The following FAM163A variants were observed in gnomAD, a reference collection of about 807,000 sequenced individuals.
The protein encoded by FAM163A is protein FAM163A.
Under a neutral mutation model 12.0 loss-of-function variants are expected in FAM163A, and 7 were observed. The ratio of observed to expected loss-of-function variants is 0.58; its 90% CI spans 0.33 to 1.10. FAM163A has a LOEUF of 1.10. Among genes scored for constraint, FAM163A ranks in the 50% least tolerant of loss-of-function variants. The pLI, the probability that FAM163A is intolerant of heterozygous loss-of-function variation, is 0.03. For synonymous variants in FAM163A, 101 were observed against 91.0 expected (o/e 1.11, Z -0.62); for missense variants, 202 against 218.6 (o/e 0.92, Z 0.48).
chr1:179,798,548 C>T (rs1692713642), intron 1 of FAM163A, among the ~76,000 whole-genome samples: 1 of 152,260 alleles, frequency 6.6e-6, no homozygotes, highest in African/African-American at 2.4e-5. Context: ...CCTCGGGGCA[C>T]TTTTGCCCAT....
chr1:179,803,433 G>A (rs1693459244), intron 1 of FAM163A, among the ~76,000 whole-genome samples: 1 of 152,166 alleles, frequency 6.6e-6, no homozygotes, highest in South Asian at 2.1e-4. Flanking sequence ...TGAGAACAGG[G>A]AACCTTCAGA....
At chr1:179,788,882 G>T (rs2148231851) in intron 1 of FAM163A, among the ~76,000 whole-genome samples, 1 of 152,306 alleles carries the variant, frequency 6.6e-6, no homozygotes, top group South Asian at 2.1e-4. Flanking sequence ...GTGTTTACCT[G>T]GCGCAGAGAA....
intron 1 of FAM163A, among the ~76,000 whole-genome samples, chr1:179,770,000 G>A (rs1460374730): frequency 6.9e-6 from 1 of 144,190 alleles, no homozygotes; most frequent in African/African-American, 2.6e-5. Flanking sequence ...CCGCCTCCCA[G>A]GTTCACACCG....
At chr1:179,800,724 TGAA>T (rs1313812614) in intron 1 of FAM163A, among the ~76,000 whole-genome samples, 2 of 152,046 alleles carry the variant, frequency 1.3e-5, no homozygotes, top group Admixed American at 1.3e-4. Flanking sequence ...AAGTAGTAGA[TGAA>T]GGATAAATGA....
intron 1 of FAM163A, among the ~76,000 whole-genome samples, chr1:179,782,041 G>A (rs1316084466): frequency 2.6e-5 from 4 of 152,100 alleles, no homozygotes; most frequent in African/African-American, 9.7e-5. Flanking sequence ...CGGCTTGGGA[G>A]GCCAGCTGCT....
the FAM163A span, among the ~76,000 whole-genome samples, chr1:179,737,562 G>A: frequency 3.9e-5 from 6 of 152,180 alleles, no homozygotes; most frequent in Admixed American, 6.5e-5. Context: ...GCAGCTGGGC[G>A]CGGTGGCTCA....
chr1:179,770,069 C>T (rs1021984397), intron 1 of FAM163A, among the ~76,000 whole-genome samples: 1 of 151,886 alleles, frequency 6.6e-6, no homozygotes, highest in African/African-American at 2.4e-5. Context: ...CCACGCCTGG[C>T]TACTTTTTTG....
intron 1 of FAM163A, among the ~76,000 whole-genome samples, chr1:179,744,895 G>A (rs1684244304): frequency 6.6e-6 from 1 of 152,200 alleles, no homozygotes; most frequent in Admixed American, 6.5e-5. Flanking sequence ...ATAACTGCGG[G>A]CTTCAATCCC....
chr1:179,749,759 T>C (rs1571307125), intron 1 of FAM163A, among the ~76,000 whole-genome samples: 1 of 152,156 alleles, frequency 6.6e-6, no homozygotes, highest in South Asian at 2.1e-4. Context: ...CTTGGGAGGC[T>C]GAGGCAGGAG....
In FAM163A at chr1:179,815,109, G is replaced by GCGCGCACACACACA. The variant is rs1273970601; in HGVS notation, c.*921_*922insGCGCACACACACAC. Reference sequence around the variant, plus strand: ...CAGGTGTACGCACGCGCGCGCGCGCGCACAGACACACACACACACACACAC... The same window carrying GCGCGCACACACACA: ...CAGGTGTACGCACGCGCGCGCGCGCGCGCGCACACACACACACAGACACACACACACACACACAC... On this transcript the variant is annotated 3_prime_UTR_variant, in exon 5 of 5. Transcript: ENST00000341785. 2.2e-4 allele frequency: 15 copies of GCGCGCACACACACA among 67,302 alleles called. No individual in the cohort carries two copies. The highest frequency in any genetic ancestry group is 9.5e-4 in the African/African-American group (15 of 15,848). 4.2% of individuals were successfully genotyped at this position (67,302 alleles called of 1,614,324 possible).
chr1:179,786,286 C>A (rs1690615044), intron 1 of FAM163A, among the ~76,000 whole-genome samples: 1 of 152,242 alleles, frequency 6.6e-6, no homozygotes, highest in Non-Finnish European at 1.5e-5. Context: ...TGAGCTCCCT[C>A]ACCCTCAGGA....
At chr1:179,782,304 T>G (rs1689888341) in intron 1 of FAM163A, among the ~76,000 whole-genome samples, 1 of 152,068 alleles carries the variant, frequency 6.6e-6, no homozygotes, top group African/African-American at 2.4e-5. Flanking sequence ...ACTCATTGAA[T>G]TAGCCAATGT....
At chr1:179,745,473 C>T (rs577712542) in intron 1 of FAM163A, among the ~76,000 whole-genome samples, 1 of 152,248 alleles carries the variant, frequency 6.6e-6, no homozygotes, top group South Asian at 2.1e-4. Flanking sequence ...CAGAGGCCCA[C>T]GCTGGGATTT....
chr1:179,815,154 A>AACCACGGG lies in FAM163A; in HGVS notation c.*966_*973dup, dbSNP rs1695217761. Reference sequence around the variant, plus strand: ...ACACACACACACACACACACACAGTAACCACGGGTAGGCACCAGGGGCTTT... The same window carrying AACCACGGG: ...ACACACACACACACACACACACAGTAACCACGGGACCACGGGTAGGCACCAGGGGCTTT... On this transcript the variant is annotated 3_prime_UTR_variant, in exon 5 of 5. Coordinates refer to ENST00000341785, the MANE Select transcript of FAM163A (RefSeq NM_173509.3). 1 of 152,738 alleles carries AACCACGGG rather than the reference A, an allele frequency of 6.5e-6. No homozygotes were observed. The highest frequency in any genetic ancestry group is 2.5e-5 in the African/African-American group (1 of 40,482). 9.5% of individuals were successfully genotyped at this position (152,738 alleles called of 1,614,324 possible). A position where few individuals can be genotyped will look rare whatever the true frequency, so the allele number is the denominator to read the frequency against.
intron 1 of FAM163A, among the ~76,000 whole-genome samples, chr1:179,746,699 C>T (rs927069490): frequency 1.3e-5 from 2 of 152,160 alleles, no homozygotes; most frequent in African/African-American, 4.8e-5. Flanking sequence ...TTCTCTTTGT[C>T]CGTCCTGTGC....
At chr1:179,764,621 G>A (rs12723969) in intron 1 of FAM163A, among the ~76,000 whole-genome samples, 31,589 of 152,128 alleles carry the variant, frequency 0.21, 3,570 homozygotes, top group Non-Finnish European at 0.24. Context: ...GAATCCCCTC[G>A]GTCCTCGGCA....
At chr1:179,805,326 T>C (rs1042506754) in intron 1 of FAM163A, among the ~76,000 whole-genome samples, 1 of 152,208 alleles carries the variant, frequency 6.6e-6, no homozygotes, top group Admixed American at 6.5e-5. Context: ...GAGACCAGCC[T>C]GGACAACATG....
intron 1 of FAM163A, among the ~76,000 whole-genome samples, chr1:179,775,710 T>G (rs534292526): frequency 9.2e-5 from 14 of 152,278 alleles, no homozygotes; most frequent in African/African-American, 3.1e-4. Flanking sequence ...TCAATAAATA[T>G]CAGTAGGATA....
chr1:179,781,498 G>A (rs1401189018), intron 1 of FAM163A, among the ~76,000 whole-genome samples: 1 of 151,832 alleles, frequency 6.6e-6, no homozygotes, highest in African/African-American at 2.4e-5. Flanking sequence ...GCAGGCACCT[G>A]GGAATTAGTA....
Sources: allele counts gnomAD v4.1 joint callset (sites outside exome capture counted in the v4.1 genomes callset), GRCh38; gene constraint gnomAD v4.1.1; transcripts MANE v1.5; gene names NCBI Gene and HGNC (gene_info 2026-07-23, HGNC 2026-07-21).